RBFOX1: variants seen among roughly 807,000 people sequenced by gnomAD.
RBFOX1 encodes RNA binding fox-1 homolog 1.
Under a neutral mutation model 57.7 loss-of-function variants are expected in RBFOX1, and 8 were observed. The observed-to-expected ratio is 0.14, with a 90% CI of 0.08 to 0.25. The LOEUF (loss-of-function observed/expected upper bound fraction) is 0.25. Ranked by LOEUF, RBFOX1 falls within the 10% of genes least tolerant of loss-of-function variation. The pLI, the probability that RBFOX1 is intolerant of heterozygous loss-of-function variation, is 1.00. For missense variants in RBFOX1, 611 were observed against 548.5 expected (o/e 1.11, Z -1.14); for synonymous variants, 326 against 222.4 (o/e 1.47, Z -4.15).
chr16:5,602,522 A>G (rs1212952809), downstream of RBFOX1, among the ~76,000 whole-genome samples: 5 of 152,246 alleles, frequency 3.3e-5, no homozygotes, highest in African/African-American at 1.2e-4. Context: ...AAAGATGCAC[A>G]TGACATACTG....
At chr16:5,516,138 TCTGG>T (rs2043784311) in intron 2 of RBFOX1, among the ~76,000 whole-genome samples, 1 of 152,182 alleles carries the variant, frequency 6.6e-6, no homozygotes, top group African/African-American at 2.4e-5. Context: ...GAGTCCTGTG[TCTGG>T]TCCTGAGACA....
chr16:7,454,180 C>A (rs1389113361), intron 4 of RBFOX1, among the ~76,000 whole-genome samples: 3 of 152,166 alleles, frequency 2.0e-5, no homozygotes, highest in Non-Finnish European at 4.4e-5. Context: ...TCCCAGTGAG[C>A]CGAAATCATG....
chr16:5,650,674 C>A (rs996539526), intron 3 of RBFOX1, among the ~76,000 whole-genome samples: 2 of 152,086 alleles, frequency 1.3e-5, no homozygotes, highest in Non-Finnish European at 2.9e-5. Flanking sequence ...CTTCATTTAA[C>A]AGGGGTTACC....
At chr16:6,313,177 C>A (rs910078045) in intron 1 of RBFOX1, among the ~76,000 whole-genome samples, 3 of 152,026 alleles carry the variant, frequency 2.0e-5, no homozygotes, top group South Asian at 4.1e-4. Context: ...GTACCCGGGA[C>A]TGGGGGGAAG....
At chr16:5,626,814 C>A (rs1455651059) in intron 3 of RBFOX1, among the ~76,000 whole-genome samples, 5 of 151,838 alleles carry the variant, frequency 3.3e-5, no homozygotes, top group Admixed American at 2.6e-4. Flanking sequence ...TCCTTGGTGC[C>A]CTTCTGAGCA....
intron 2 of RBFOX1, among the ~76,000 whole-genome samples, chr16:6,564,011 A>G (rs1211362035): frequency 6.6e-6 from 1 of 152,078 alleles, no homozygotes; most frequent in Non-Finnish European, 1.5e-5. Context: ...TACAGCACCC[A>G]TGTTGTTTCT....
intron 2 of RBFOX1, among the ~76,000 whole-genome samples, chr16:6,487,158 G>GTGTGTA (rs1555498862): frequency 3.4e-5 from 5 of 149,166 alleles, no homozygotes; most frequent in African/African-American, 1.2e-4. Flanking sequence ...GTGTGTGTGT[G>GTGTGTA]TGTGTGTGTG....
rs2060644791 is a variant in RBFOX1 at position 6,003,774 on chromosome 16, A to C, written c.351+136439A>C. Among the ~76,000 whole-genome samples the C allele has an allele frequency of 2.0e-5, 3 of 152,108 alleles. No individual in the cohort carries two copies. The South Asian group carries it at 6.2e-4, about 32-fold the overall frequency. ...CAGCTAAGCCAGGGTCTCAATCTCAAATGCCTCAGGAACCACACAAGTGGT... is the reference window on the plus strand; with the variant it reads ...CAGCTAAGCCAGGGTCTCAATCTCACATGCCTCAGGAACCACACAAGTGGT... On this transcript the variant is annotated intron_variant, in intron 4 of 19. Transcript: ENST00000641259.
At chr16:5,689,776 G>A (rs1882880809) in intron 3 of RBFOX1, among the ~76,000 whole-genome samples, 1 of 148,228 alleles carries the variant, frequency 6.7e-6, no homozygotes, top group South Asian at 2.2e-4. Context: ...TTTGGTCTTA[G>A]ACCAATCATT....
chr16:5,353,372 G>GA (rs34034136), intron 1 of RBFOX1, among the ~76,000 whole-genome samples: 52,293 of 136,170 alleles, frequency 0.38, 10,541 homozygotes, highest in East Asian at 0.77. Flanking sequence ...AGTAGTGTCT[G>GA]AAAAAAAAAA....
intron 1 of RBFOX1, among the ~76,000 whole-genome samples, chr16:6,155,249 C>A (rs1015115633): frequency 6.6e-6 from 1 of 152,246 alleles, no homozygotes; most frequent in South Asian, 2.1e-4. Context: ...GGAGACAAGC[C>A]CTAGGAGACT....
intron 4 of RBFOX1, among the ~76,000 whole-genome samples, chr16:6,003,689 G>A (rs572109910): frequency 6.6e-6 from 1 of 152,322 alleles, no homozygotes; most frequent in East Asian, 1.9e-4. Flanking sequence ...TATTCCCTAG[G>A]CCTGGGGCCT....
chr16:7,582,707 A>AC (rs1410414469), intron 6 of RBFOX1, among the ~76,000 whole-genome samples: 2 of 152,172 alleles, frequency 1.3e-5, no homozygotes, highest in African/African-American at 2.4e-5. Context: ...TGGACATGAG[A>AC]CATCTTCTTT....
intron 2 of RBFOX1, among the ~76,000 whole-genome samples, chr16:5,573,670 G>A (rs1173817302): frequency 6.6e-6 from 1 of 152,144 alleles, no homozygotes; most frequent in East Asian, 1.9e-4. Context: ...TCCTCTCTAA[G>A]AAACAGACCG....
At chr16:7,457,977 C>A (rs2058849552) in intron 4 of RBFOX1, among the ~76,000 whole-genome samples, 2 of 152,154 alleles carry the variant, frequency 1.3e-5, no homozygotes, top group Non-Finnish European at 2.9e-5. Context: ...TCCTGAAAGG[C>A]TACATTCCAC....
At chr16:7,222,509 T>C (rs118021423) in intron 4 of RBFOX1, among the ~76,000 whole-genome samples, 409 of 152,296 alleles carry the variant, frequency 2.7e-3, no homozygotes, top group South Asian at 8.7e-3. Flanking sequence ...CTAATGCATG[T>C]TAGCACTCTT....
At chr16:7,407,090 G>T (rs73550797) in intron 4 of RBFOX1, among the ~76,000 whole-genome samples, 1 of 152,012 alleles carries the variant, frequency 6.6e-6, no homozygotes, top group African/African-American at 2.4e-5. Flanking sequence ...ATAGGTTTTT[G>T]GGGGAACGGG....
chr16:6,763,064 A>G (rs17141375), intron 3 of RBFOX1, among the ~76,000 whole-genome samples: 15,445 of 152,256 alleles, frequency 0.1, 899 homozygotes, highest in African/African-American at 0.15. Context: ...AGGTCCTACA[A>G]TATATCAGGA....
chr16:6,545,967 A>C lies in RBFOX1; in HGVS notation c.-63-108636A>C, dbSNP rs191663615. Among the ~76,000 whole-genome samples the C allele has an allele frequency of 1.1e-3, 161 of 152,318 alleles. 1 individual carries two copies. The highest frequency in any genetic ancestry group is 3.6e-3 in the African/African-American group (150 of 41,570). On this transcript the variant is annotated intron_variant, in intron 2 of 15. Transcript: ENST00000550418. ...CTGTTGTCTAAAACAGGGATTTGCA[A>C]TCTTTTGGCTTCTCTGGGCCACTTT...
Sources: gnomAD v4.1 joint callset for allele counts (sites outside exome capture counted in the v4.1 genomes callset) on GRCh38, gnomAD v4.1.1 for gene constraint, MANE v1.5 for transcripts, NCBI Gene and HGNC (gene_info 2026-07-23, HGNC 2026-07-21) for gene names.